MGAM2: variants seen among roughly 807,000 people sequenced by gnomAD.
MGAM2 encodes maltase-glucoamylase 2 (putative).
In MGAM2, 98 loss-of-function variants were observed where a neutral mutation model predicts 96.1. The observed-to-expected ratio is 1.02, with a 90% confidence interval of 0.87 to 1.21. The LOEUF (loss-of-function observed/expected upper bound fraction) is 1.21. Among genes scored for constraint, MGAM2 ranks in the 50% most tolerant of loss-of-function variants. The probability of loss-of-function intolerance (pLI) is 0.00; values close to 1 mark genes in which losing one functional copy is unlikely to be tolerated. For synonymous variants in MGAM2, 749 were observed against 414.8 expected (o/e 1.81, Z -9.79); for missense variants, 2,055 against 1,182.4 (o/e 1.74, Z -10.82).
rs543697243 is a variant in MGAM2, at chr7:142,133,081, T to C, written c.576-900T>C. Among the ~76,000 whole-genome samples, 31 of 134,792 alleles carry C rather than the reference T, an allele frequency of 2.3e-4. No homozygotes were observed. The South Asian group carries it at 7.1e-3, about 31-fold the overall frequency. 88.4% of individuals were successfully genotyped at this position (134,792 alleles called of 152,430 possible). ...AGTTTAATTATATTTAATTTATATTTAATATTTATTTAATAGACATTAATT... is the reference window on the plus strand; with the variant it reads ...AGTTTAATTATATTTAATTTATATTCAATATTTATTTAATAGACATTAATT... On this transcript the variant is annotated intron_variant, in intron 6 of 47. Transcript: ENST00000477922.
At chr7:142,121,805 A>G (rs1411138799) in intron 3 of MGAM2, among the ~76,000 whole-genome samples, 1 of 151,460 alleles carries the variant, frequency 6.6e-6, no homozygotes, top group Admixed American at 6.6e-5. Flanking sequence ...ATAGAATTAT[A>G]TTATAGGAAA....
intron 19 of MGAM2, 55 bp downstream of exon 19, chr7:142,158,387 T>A: frequency 1.4e-6 from 1 of 697,762 alleles, no homozygotes. Flanking sequence ...CTCATGGTTC[T>A]ATAGCTGGAT....
intron 37 of MGAM2, among the ~76,000 whole-genome samples, chr7:142,193,894 C>G (rs566435008): frequency 1.3e-5 from 2 of 152,324 alleles, no homozygotes; most frequent in South Asian, 4.1e-4. Context: ...CCAACCCAAA[C>G]CTCTCTTGAG....
At position 142,175,672 on chromosome 7, in the gene MGAM2, C is replaced by T. The variant is rs773521505; in HGVS notation, c.3708C>T (p.Ile1236=). The change falls in exon 32 of 48, where the codon ATC becomes ATT. Residue 1236 remains isoleucine (I), a synonymous_variant. Transcript: ENST00000477922. The stretch of plus-strand genomic sequence containing the variant: ...TGCAGGACGTCCAGCATGTAGACAT[C>T]GATTACATGAACCGGAAGCTGGATT... The part of the protein sequence containing the change: ...QIPYDVQHVD[I]DYMNRKLDFT... 19 of 702,618 alleles carry T rather than the reference C, an allele frequency of 2.7e-5. No homozygotes were observed. Among genetic ancestry groups the T allele is most frequent in the Non-Finnish European group, 3.6e-5 (14 of 384,946 alleles). 43.5% of individuals were successfully genotyped at this position (702,618 alleles called of 1,614,324 possible). A position where few individuals can be genotyped will look rare whatever the true frequency, so the allele number is the denominator to read the frequency against.
chr7:142,173,514 A>G (rs1796268465), intron 31 of MGAM2, among the ~76,000 whole-genome samples, 160 bp downstream of exon 31: 1 of 152,216 alleles, frequency 6.6e-6, no homozygotes, highest in African/African-American at 2.4e-5. Context: ...CTTATTAAAC[A>G]GAAATTAGAA....
chr7:142,141,459 G>A (rs1047170741), intron 12 of MGAM2, among the ~76,000 whole-genome samples: 4 of 151,936 alleles, frequency 2.6e-5, no homozygotes, highest in Non-Finnish European at 4.4e-5. Context: ...ATAGATTAAT[G>A]TGGAACTGAT....
At chr7:142,198,580 C>G (rs1437039402) in intron 43 of MGAM2, 35 bp from the exon 44 acceptor site, 1 of 699,900 alleles carries the variant, frequency 1.4e-6, no homozygotes. Context: ...ATATATTTAT[C>G]TCTCGCCATT....
chr7:142,184,451 G>T (rs549668399), intron 33 of MGAM2, among the ~76,000 whole-genome samples: 1 of 152,242 alleles, frequency 6.6e-6, no homozygotes, highest in Non-Finnish European at 1.5e-5. Flanking sequence ...TACTATCTGT[G>T]AACTCTTAGG....
chr7:142,126,647 T>C (rs1161479447), intron 3 of MGAM2, among the ~76,000 whole-genome samples: 1 of 152,158 alleles, frequency 6.6e-6, no homozygotes, highest in Non-Finnish European at 1.5e-5. Flanking sequence ...GGCTAATATT[T>C]GTTATGAATA....
intron 15 of MGAM2, among the ~76,000 whole-genome samples, chr7:142,152,255 T>C (rs757844955): frequency 1.3e-5 from 2 of 152,090 alleles, no homozygotes; most frequent in Non-Finnish European, 2.9e-5. Flanking sequence ...ACCACAGATA[T>C]CTTCAACCCT....
chr7:142,144,169 C>T (rs1004928563), intron 13 of MGAM2, among the ~76,000 whole-genome samples: 4 of 152,064 alleles, frequency 2.6e-5, no homozygotes, highest in African/African-American at 9.7e-5. Context: ...TTTATTAAAA[C>T]AGTATTATAA....
At chr7:142,134,873 C>CA (rs1250784961) in intron 7 of MGAM2, among the ~76,000 whole-genome samples, 1 of 151,088 alleles carries the variant, frequency 6.6e-6, no homozygotes, top group Non-Finnish European at 1.5e-5. Context: ...AAAGACATAC[C>CA]AAAAAAACCT....
intron 37 of MGAM2, among the ~76,000 whole-genome samples, chr7:142,190,312 C>T (rs1324581995): frequency 6.9e-6 from 1 of 144,390 alleles, no homozygotes; most frequent in African/African-American, 2.6e-5. Flanking sequence ...GGCTCTGTCG[C>T]CCAGGCTGGA....
intron 3 of MGAM2, among the ~76,000 whole-genome samples, chr7:142,130,530 T>A (rs1472682855): frequency 6.6e-6 from 1 of 152,252 alleles, no homozygotes; most frequent in Non-Finnish European, 1.5e-5. Context: ...TGGTGCTTCA[T>A]GATGGGACTT....
At chr7:142,198,049 T>C in intron 42 of MGAM2, 90 bp from the exon 43 acceptor site, 1 of 652,186 alleles carries the variant, frequency 1.5e-6, no homozygotes, top group South Asian at 1.7e-5. Flanking sequence ...ACAATTTTCA[T>C]TTTTTATCTT....
rs186235197 is a variant in MGAM2 at position 142,147,148 on chromosome 7, A to G, written c.1517-308A>G. Among the ~76,000 whole-genome samples, 408 of 152,300 alleles carry G rather than the reference A, an allele frequency of 2.7e-3. 3 individuals are homozygous for G. The highest frequency in any genetic ancestry group is 4.6e-3 in the Admixed American group (70 of 15,292). On this transcript the variant is annotated intron_variant, in intron 14 of 47. Transcript: ENST00000477922. ...TTAAATTTATGTAGATAAACACTAT[A>G]TGCTTTATACTTAGGCTCAGATCCA...
chr7:142,154,505 G>T (rs1467758930), intron 16 of MGAM2, among the ~76,000 whole-genome samples: 1 of 152,132 alleles, frequency 6.6e-6, no homozygotes, highest in African/African-American at 2.4e-5. Context: ...GAATATTAAG[G>T]AACAGCCTCA....
At chr7:142,208,765 A>G (rs1015711663) in intron 46 of MGAM2, 143 bp downstream of exon 46, 9 of 559,040 alleles carry the variant, frequency 1.6e-5, no homozygotes, top group Middle Eastern at 4.7e-4. Context: ...GTCTGTTGTC[A>G]TTAAAGTAAG....
At position 142,149,170 on chromosome 7, in the gene MGAM2, A is replaced by G. The variant is rs150195805; in HGVS notation, c.1634+1597A>G. On this transcript the variant is annotated intron_variant, in intron 15 of 47. Coordinates refer to ENST00000477922, the MANE Select transcript of MGAM2 (RefSeq NM_001293626.2). ...CTTGAACCCGGGAGACGGAGGTTGCAGTGAGCCGAGATCACGCTATTGCAC... is the reference window on the plus strand; with the variant it reads ...CTTGAACCCGGGAGACGGAGGTTGCGGTGAGCCGAGATCACGCTATTGCAC... Among the ~76,000 whole-genome samples, 541 of 152,020 alleles carry G rather than the reference A, an allele frequency of 3.6e-3. 4 individuals are homozygous for G. The highest frequency in any genetic ancestry group is 0.012 in the African/African-American group (514 of 41,482).
Sources: gnomAD v4.1 joint callset for allele counts (sites outside exome capture counted in the v4.1 genomes callset) on GRCh38, gnomAD v4.1.1 for gene constraint, MANE v1.5 for transcripts, NCBI Gene and HGNC (gene_info 2026-07-23, HGNC 2026-07-21) for gene names.